The following EPHA6 variants were observed in gnomAD, a reference collection of about 807,000 sequenced individuals.
The protein encoded by EPHA6 is ephrin type-A receptor 6.
A neutral mutation model predicts 112.0 loss-of-function variants in EPHA6; 50 were observed. That is an observed-to-expected ratio of 0.45 (90% CI 0.36 to 0.56). The LOEUF is 0.56. Among genes scored for constraint, EPHA6 ranks in the 20% least tolerant of loss-of-function variants. EPHA6 has a pLI of 0.00. For missense variants in EPHA6, 1,280 were observed against 1,417.4 expected, an observed-to-expected ratio of 0.90 and a Z score of 1.56; for synonymous variants, 529 against 490.7, an observed-to-expected ratio of 1.08 and a Z score of -1.03.
chr3:97,254,482 C>T (rs1371716205), intron 5 of EPHA6, among the ~76,000 whole-genome samples: 1 of 152,104 alleles, frequency 6.6e-6, no homozygotes, highest in Non-Finnish European at 1.5e-5. Flanking sequence ...GCCATTGTGC[C>T]CGGCCTTAAT....
chr3:97,719,672 T>G lies in EPHA6; in HGVS notation c.2785-589T>G, dbSNP rs569738548. ...AATTGAAGAATAAAAATATAAACTATATTAAAGTTTTTGAAAGAAAGATTA... is the reference window on the plus strand; with the variant it reads ...AATTGAAGAATAAAAATATAAACTAGATTAAAGTTTTTGAAAGAAAGATTA... On this transcript the variant is annotated intron_variant, in intron 14 of 17. Transcript: ENST00000389672. Among the ~76,000 whole-genome samples, 3 of 152,348 alleles carry G rather than the reference T, an allele frequency of 2.0e-5. No homozygotes were observed. The East Asian group carries it at 5.8e-4, about 29-fold the overall frequency.
intron 10 of EPHA6, among the ~76,000 whole-genome samples, chr3:97,501,824 G>C (rs2092125171): frequency 6.6e-6 from 1 of 151,940 alleles, no homozygotes; most frequent in South Asian, 2.1e-4. Flanking sequence ...GGAAAGAAAT[G>C]GTAAAGATAA....
chr3:97,083,308 G>T (rs1297674880), intron 3 of EPHA6, among the ~76,000 whole-genome samples: 1 of 151,932 alleles, frequency 6.6e-6, no homozygotes, highest in Non-Finnish European at 1.5e-5. Context: ...GTGTGACAGT[G>T]ATCTCATGGT....
In EPHA6 at chr3:97,131,557, A is replaced by G. The variant is rs553020064; in HGVS notation, c.1115-94707A>G. Among the ~76,000 whole-genome samples the G allele has an allele frequency of 2.5e-4, 38 of 152,244 alleles. 1 individual carries two copies. The highest frequency in any genetic ancestry group is 6.7e-4 in the African/African-American group (28 of 41,584). ...AATTTTTATTGTATTTATTTCTTGC[A>G]TAATATTTATCACAGAGTTACTTCA... On this transcript the variant is annotated intron_variant, in intron 3 of 17. Coordinates refer to ENST00000389672, the MANE Select transcript of EPHA6 (RefSeq NM_001080448.3).
At chr3:97,049,105 G>A (rs1049363085) in intron 3 of EPHA6, among the ~76,000 whole-genome samples, 7 of 152,196 alleles carry the variant, frequency 4.6e-5, no homozygotes, top group African/African-American at 1.7e-4. Flanking sequence ...GGGATTGAGT[G>A]AGTGGGCGAC....
chr3:97,067,897 C>A (rs372685676), intron 3 of EPHA6, among the ~76,000 whole-genome samples: 6 of 151,896 alleles, frequency 4.0e-5, no homozygotes, highest in African/African-American at 1.4e-4. Context: ...AATCCCAACA[C>A]TTTGGGAGGC....
At chr3:97,221,622 T>C (rs1268139476) in intron 3 of EPHA6, among the ~76,000 whole-genome samples, 1 of 152,104 alleles carries the variant, frequency 6.6e-6, no homozygotes, top group Non-Finnish European at 1.5e-5. Flanking sequence ...ATAACCCAAT[T>C]CTAACAAAAC....
In EPHA6 at chr3:96,818,854, G is replaced by T. The variant is rs1039838929; in HGVS notation, c.385+3846G>T. ...TTTTGAGGATAAACTATTTATAGTT[G>T]TAAGGGTTCCAGAGATTGTTATCAC... On this transcript the variant is annotated intron_variant, in intron 1 of 17. Coordinates refer to ENST00000389672, the MANE Select transcript of EPHA6 (RefSeq NM_001080448.3). Among the ~76,000 whole-genome samples the T allele has an allele frequency of 4.6e-5, 7 of 151,996 alleles. 1 individual carries two copies. The highest frequency in any genetic ancestry group is 1.0e-4 in the Non-Finnish European group (7 of 67,814).
chr3:97,643,440 A>G (rs1312585229), intron 14 of EPHA6, among the ~76,000 whole-genome samples: 2 of 152,016 alleles, frequency 1.3e-5, no homozygotes, highest in Non-Finnish European at 2.9e-5. Flanking sequence ...CACACATAAC[A>G]ATATTAACTT....
At chr3:97,648,590 A>T in intron 14 of EPHA6, 1 of 1,170,028 alleles carries the variant, frequency 8.5e-7, no homozygotes, top group Non-Finnish European at 1.1e-6. Context: ...TCTGCCTTTA[A>T]GTACTTTCAT....
chr3:97,536,830 C>T (rs530269351), intron 11 of EPHA6, among the ~76,000 whole-genome samples: 156 of 152,216 alleles, frequency 1.0e-3, no homozygotes, highest in African/African-American at 3.5e-3. Flanking sequence ...AGTCCCATAA[C>T]CACTTTGGGC....
chr3:97,375,104 G>A (rs1011514710), intron 5 of EPHA6, among the ~76,000 whole-genome samples: 1 of 152,046 alleles, frequency 6.6e-6, no homozygotes, highest in Non-Finnish European at 1.5e-5. Flanking sequence ...CAAATTAAAG[G>A]TTCTCTGTCA....
chr3:97,556,553 C>T lies in EPHA6; in HGVS notation c.2386+24010C>T, dbSNP rs2093112958. On this transcript the variant is annotated intron_variant, in intron 11 of 17. Transcript: ENST00000389672. The stretch of plus-strand genomic sequence containing the variant: ...ATCAGATCTTTTAAGAACTCACTCA[C>T]TATCTTGAGAACAGCATGAGGGTAA... Among the ~76,000 whole-genome samples, 3 of 152,046 alleles carry T rather than the reference C, an allele frequency of 2.0e-5. No individual in the cohort carries two copies. The South Asian group carries it at 6.2e-4, about 31-fold the overall frequency.
chr3:96,988,055 T>C, intron 3 of EPHA6, 62 bp downstream of exon 3: 1 of 1,329,288 alleles, frequency 7.5e-7, no homozygotes, highest in Non-Finnish European at 1.0e-6. Flanking sequence ...AAGTTTTATT[T>C]TTTAAATTAA....
intron 5 of EPHA6, among the ~76,000 whole-genome samples, chr3:97,281,520 TCTCA>T (rs2080286886): frequency 6.6e-6 from 1 of 152,104 alleles, no homozygotes; most frequent in African/African-American, 2.4e-5. Context: ...CTAAAGAGTC[TCTCA>T]CTGTGATTCC....
At chr3:96,904,148 A>G (rs1324386892) in intron 2 of EPHA6, among the ~76,000 whole-genome samples, 1 of 152,128 alleles carries the variant, frequency 6.6e-6, no homozygotes, top group East Asian at 1.9e-4. Context: ...CTATGAAGAC[A>G]CATGCACACG....
chr3:97,545,800 A>T (rs187879298), intron 11 of EPHA6, among the ~76,000 whole-genome samples: 4 of 152,188 alleles, frequency 2.6e-5, no homozygotes, highest in Non-Finnish European at 2.9e-5. Flanking sequence ...TGCTGAATTA[A>T]TCCCTTTACC....
chr3:96,985,847 T>C (rs781002794), intron 2 of EPHA6, among the ~76,000 whole-genome samples: 1 of 152,196 alleles, frequency 6.6e-6, no homozygotes, highest in Non-Finnish European at 1.5e-5. Flanking sequence ...TTAGAAACTA[T>C]ACTATACTAG....
chr3:97,718,616 G>T (rs973618846), intron 14 of EPHA6, among the ~76,000 whole-genome samples: 2 of 151,924 alleles, frequency 1.3e-5, no homozygotes, highest in Admixed American at 1.3e-4. Context: ...ACCCTACTTT[G>T]GGTTCAAGAA....
Sources: allele counts gnomAD v4.1 joint callset (sites outside exome capture counted in the v4.1 genomes callset), GRCh38; gene constraint gnomAD v4.1.1; transcripts MANE v1.5; gene names NCBI Gene and HGNC (gene_info 2026-07-23, HGNC 2026-07-21).